STOX2: variants seen among roughly 807,000 people sequenced by gnomAD.
STOX2 encodes storkhead box 2.
Under a neutral mutation model 60.9 loss-of-function variants are expected in STOX2, and 28 were observed. That is an observed-to-expected ratio of 0.46 (90% CI 0.34 to 0.63). The LOEUF is 0.63. STOX2 is among the 30% of genes least tolerant of loss of function. The pLI, the probability that STOX2 is intolerant of heterozygous loss-of-function variation, is 0.01. For missense variants in STOX2, 1,024 were observed against 1,187.7 expected (o/e 0.86, Z 2.03); for synonymous variants, 472 against 463.9 (o/e 1.02, Z -0.22).
chr4:183,866,889 A>G (rs1740579936), intron 1 of STOX2, among the ~76,000 whole-genome samples: 1 of 152,054 alleles, frequency 6.6e-6, no homozygotes, highest in Non-Finnish European at 1.5e-5. Context: ...AAAACAGACA[A>G]ACAAACAAAC....
chr4:183,853,981 C>T (rs189900368), intron 1 of STOX2: 2 of 152,326 alleles, frequency 1.3e-5, no homozygotes, highest in East Asian at 3.9e-4. Context: ...TCTGAAACAG[C>T]AGATTTATTT....
intron 1 of STOX2, among the ~76,000 whole-genome samples, chr4:183,888,501 A>G (rs957693964): frequency 6.6e-6 from 1 of 152,174 alleles, no homozygotes; most frequent in South Asian, 2.1e-4. Flanking sequence ...CCCAGGTACC[A>G]TGAGCCCATG....
At chr4:183,915,181 C>G (rs957515408) in intron 1 of STOX2, among the ~76,000 whole-genome samples, 6 of 152,156 alleles carry the variant, frequency 3.9e-5, no homozygotes, top group Non-Finnish European at 5.9e-5. Context: ...TGTGGGCAGT[C>G]GGGGTAGCAG....
At chr4:183,903,879 A>G (rs1326192030), upstream of STOX2, among the ~76,000 whole-genome samples, 1 of 152,148 alleles carries the variant, frequency 6.6e-6, no homozygotes. Flanking sequence ...AGGTTTTGGG[A>G]TGATTTGAGT....
At chr4:183,853,028 C>T (rs1175550734) in intron 1 of STOX2, among the ~76,000 whole-genome samples, 2 of 152,164 alleles carry the variant, frequency 1.3e-5, no homozygotes, top group Non-Finnish European at 2.9e-5. Context: ...TAGGAATAAT[C>T]GCACGCAGGA....
intron 1 of STOX2, among the ~76,000 whole-genome samples, chr4:183,928,222 G>T (rs942004875): frequency 2.8e-4 from 43 of 152,230 alleles, no homozygotes; most frequent in African/African-American, 9.6e-4. Flanking sequence ...AGCCCTCGGG[G>T]GGGGGCATTT....
At position 183,803,716 on chromosome 4, in the gene STOX2, A is replaced by C. The variant is rs149242669; in HGVS notation, c.364+5661A>C. On this transcript the variant is annotated intron_variant, in intron 1 of 2. Transcript: ENST00000513034. ...AGTGGCTCACACCTGTAATCCCAGC[A>C]CTTTGGGAGGCTGAGGCAGGTGGGC... Among the ~76,000 whole-genome samples the C allele has an allele frequency of 2.2e-3, 339 of 152,294 alleles. 1 individual carries two copies. The highest frequency in any genetic ancestry group is 4.5e-3 in the Admixed American group (69 of 15,298).
chr4:183,962,456 C>T (rs1743440201), intron 1 of STOX2, among the ~76,000 whole-genome samples: 4 of 151,786 alleles, frequency 2.6e-5, no homozygotes, highest in Non-Finnish European at 4.4e-5. Context: ...AAAATTAATA[C>T]GTTAAAGATT....
At chr4:183,895,925 G>A (rs1263849998) in intron 1 of STOX2, among the ~76,000 whole-genome samples, 1 of 152,160 alleles carries the variant, frequency 6.6e-6, no homozygotes. Context: ...GATATTTGAG[G>A]GCAAAGATAA....
chr4:183,880,004 T>G (rs7695698), intron 1 of STOX2, among the ~76,000 whole-genome samples: 36,589 of 151,992 alleles, frequency 0.24, 5,082 homozygotes, highest in Middle Eastern at 0.3. Flanking sequence ...TTCTGTTTTT[T>G]TAGAGACGGA....
chr4:183,934,916 A>C (rs773663919), intron 1 of STOX2, among the ~76,000 whole-genome samples: 2 of 152,244 alleles, frequency 1.3e-5, no homozygotes, highest in African/African-American at 2.4e-5. Context: ...CTATGAACGC[A>C]CAAGCAGGCT....
intron 1 of STOX2, among the ~76,000 whole-genome samples, chr4:183,940,574 C>T (rs1742727896): frequency 6.6e-6 from 1 of 152,198 alleles, no homozygotes; most frequent in South Asian, 2.1e-4. Flanking sequence ...ACCAGCTTCA[C>T]AAAGATGTTG....
intron 1 of STOX2, among the ~76,000 whole-genome samples, chr4:183,999,859 A>T (rs2111223294): frequency 6.6e-6 from 1 of 152,332 alleles, no homozygotes; most frequent in African/African-American, 2.4e-5. Context: ...GGTCCACCTC[A>T]GAGCAGCCAG....
chr4:183,933,580 G>C (rs1216443862), intron 1 of STOX2, among the ~76,000 whole-genome samples: 1 of 152,060 alleles, frequency 6.6e-6, no homozygotes, highest in Non-Finnish European at 1.5e-5. Context: ...GTAGAGACGG[G>C]GTTTCGCCAT....
At chr4:183,940,538 CT>C (rs1383701514) in intron 1 of STOX2, among the ~76,000 whole-genome samples, 1 of 152,148 alleles carries the variant, frequency 6.6e-6, no homozygotes, top group Non-Finnish European at 1.5e-5. Flanking sequence ...CACAATCCTG[CT>C]TTTTATCTTG....
intron 1 of STOX2, among the ~76,000 whole-genome samples, chr4:183,805,809 T>A (rs1453672520): frequency 6.6e-6 from 1 of 152,134 alleles, no homozygotes; most frequent in African/African-American, 2.4e-5. Flanking sequence ...TGAGACCCTA[T>A]CTAAATAAAT....
chr4:183,928,147 T>C (rs1436325879), intron 1 of STOX2, among the ~76,000 whole-genome samples: 1 of 152,194 alleles, frequency 6.6e-6, no homozygotes, highest in African/African-American at 2.4e-5. Flanking sequence ...TCCCAACAGA[T>C]TGGTGTTCAG....
At chr4:183,995,007 A>G (rs936392763) in intron 1 of STOX2, among the ~76,000 whole-genome samples, 2 of 152,208 alleles carry the variant, frequency 1.3e-5, no homozygotes, top group Admixed American at 6.5e-5. Flanking sequence ...ACTGTGATGC[A>G]GTTTGCCTGG....
intron 1 of STOX2, chr4:183,798,062 G>T: frequency 8.1e-7 from 1 of 1,228,016 alleles, no homozygotes; most frequent in Non-Finnish European, 1.0e-6. Flanking sequence ...CTGGGTGAGT[G>T]CGACCGCCGC....
Sources: allele counts gnomAD v4.1 joint callset (sites outside exome capture counted in the v4.1 genomes callset), GRCh38; gene constraint gnomAD v4.1.1; transcripts MANE v1.5; gene names NCBI Gene and HGNC (gene_info 2026-07-23, HGNC 2026-07-21).